TEX15: variants seen among roughly 807,000 people sequenced by gnomAD.
TEX15 encodes testis expressed 15, meiosis and synapsis associated, also known as testis-expressed protein 15.
In TEX15, 171 loss-of-function variants were observed where a neutral mutation model predicts 237.3. The ratio of observed to expected loss-of-function variants is 0.72; its 90% CI spans 0.64 to 0.82. The LOEUF is 0.82. TEX15 is among the 40% of genes least tolerant of loss of function. The pLI is 0.00. For synonymous variants in TEX15, 1,338 were observed against 1,269.8 expected, an observed-to-expected ratio of 1.05 and a Z score of -1.14; for missense variants, 3,750 against 3,646.5, an observed-to-expected ratio of 1.03 and a Z score of -0.73.
intron 5 of TEX15, among the ~76,000 whole-genome samples, chr8:30,861,991 A>G (rs767576930): frequency 5.3e-5 from 8 of 152,146 alleles, no homozygotes; most frequent in Non-Finnish European, 1.2e-4. Flanking sequence ...AGTTTTTTTT[A>G]AAGTTCAGTA....
chr8:30,878,936 A>T (rs745412287), intron 3 of TEX15, among the ~76,000 whole-genome samples: 12 of 152,202 alleles, frequency 7.9e-5, no homozygotes, highest in Non-Finnish European at 1.6e-4. Flanking sequence ...CCTCACTGGC[A>T]TTTGGTACTG....
At chr8:30,852,547 C>T (rs1807812252) in intron 7 of TEX15, among the ~76,000 whole-genome samples, 1 of 151,998 alleles carries the variant, frequency 6.6e-6, no homozygotes, top group South Asian at 2.1e-4. Flanking sequence ...TTACTTTATT[C>T]CCTTTTTGTT....
Position 30,843,317 on chromosome 8 carries a change from TTC to T in TEX15, c.6848_6849del (p.Arg2283AsnfsTer22), listed in dbSNP as rs550195743. ...DAAKNLVWKE[R>X]TQSFSKKYSQ... ...GAGTATTTTTTGCTGAAGGATTGTG[TTC>T]TCTCTTTCCAAACAAGATTTTTTGC... On this transcript the variant is annotated frameshift_variant, in exon 8 of 11. Coordinates refer to ENST00000643185, the MANE Select transcript of TEX15 (RefSeq NM_001350162.2). LOFTEE classifies it high-confidence loss of function. 2,227 of 1,612,096 alleles carry T rather than the reference TTC, an allele frequency of 1.4e-3. 1 individual carries two copies. The highest frequency in any genetic ancestry group is 1.8e-3 in the Non-Finnish European group (2,102 of 1,179,364).
chr8:30,887,221 C>T lies in TEX15; in HGVS notation c.82G>A (p.Val28Ile), dbSNP rs1258186820. ...TSKPVLNTRE[V>I]NPLKKFTIPK... ...ATGGTGAATTTCTTCAAAGGATTGACTTCACGAGTATTCAACACGGGTTTG... is the reference window on the plus strand; with the variant it reads ...ATGGTGAATTTCTTCAAAGGATTGATTTCACGAGTATTCAACACGGGTTTG... Residue 28 changes from valine (V) to isoleucine (I), a missense_variant, in exon 3 of 11, where the codon GTC becomes ATC. Val to Ile is a conservative substitution (Grantham distance 29). Coordinates refer to ENST00000643185, the MANE Select transcript of TEX15 (RefSeq NM_001350162.2). 6.5e-7 allele frequency: 1 copy of T among 1,535,946 alleles called. No individual in the cohort carries two copies. The highest frequency in any genetic ancestry group is 1.4e-5 in the African/African-American group (1 of 73,156).
In TEX15 at chr8:30,908,203, C is replaced by T. The variant is rs1432438494; in HGVS notation, c.-86+4676G>A. On this transcript the variant is annotated intron_variant, in intron 1 of 10. Transcript: ENST00000643185. ...CCTTCTAAGGTGCTGGAATTGCAGGCATGAGCCACTGTGCCTGACCCTATT... is the reference window on the plus strand; with the variant it reads ...CCTTCTAAGGTGCTGGAATTGCAGGTATGAGCCACTGTGCCTGACCCTATT... Among the ~76,000 whole-genome samples, 3 of 152,134 alleles carry T rather than the reference C, an allele frequency of 2.0e-5. No individual in the cohort carries two copies. The East Asian group carries it at 5.8e-4, about 29-fold the overall frequency.
intron 1 of TEX15, among the ~76,000 whole-genome samples, chr8:30,910,833 T>G (rs1389492880): frequency 1.3e-5 from 2 of 152,110 alleles, no homozygotes; most frequent in African/African-American, 4.8e-5. Context: ...TATGATTAGG[T>G]AGGGTTCAGA....
chr8:30,873,934 T>C (rs1808348849), intron 4 of TEX15, among the ~76,000 whole-genome samples: 1 of 152,144 alleles, frequency 6.6e-6, no homozygotes, highest in Admixed American at 6.6e-5. Flanking sequence ...TTCTAACTTT[T>C]CTATAACACT....
intron 3 of TEX15, among the ~76,000 whole-genome samples, chr8:30,880,448 A>G (rs186195954): frequency 6.6e-6 from 1 of 152,316 alleles, no homozygotes; most frequent in East Asian, 1.9e-4. Flanking sequence ...GACAACTTAT[A>G]CTTGGATTTT....
At chr8:30,836,133 T>C (rs1807286517) in intron 10 of TEX15, among the ~76,000 whole-genome samples, 4 of 151,140 alleles carry the variant, frequency 2.6e-5, no homozygotes, top group Admixed American at 2.6e-4. Context: ...GTAGGTAAGT[T>C]TACATGATAT....
chr8:30,887,884 TATTTC>T (rs1808691881), intron 2 of TEX15: 1 of 120,370 alleles, frequency 8.3e-6, no homozygotes, highest in Non-Finnish European at 1.7e-5. Flanking sequence ...TTCACATATA[TATTTC>T]ATATATATAT....
chr8:30,867,976 T>C (rs769335791), intron 4 of TEX15, among the ~76,000 whole-genome samples: 2 of 152,102 alleles, frequency 1.3e-5, no homozygotes, highest in Non-Finnish European at 2.9e-5. Flanking sequence ...TTTTGTTAAT[T>C]GTGTTATGGA....
At chr8:30,883,119 T>G (rs924611174) in intron 3 of TEX15, among the ~76,000 whole-genome samples, 2 of 151,116 alleles carry the variant, frequency 1.3e-5, no homozygotes, top group African/African-American at 4.9e-5. Context: ...TTTCTCTATC[T>G]TTTTTTTTAG....
chr8:30,843,912 G>C lies in TEX15; in HGVS notation c.6255C>G (p.Phe2085Leu). 6.2e-7 allele frequency: 1 copy of C among 1,612,574 alleles called. No individual in the cohort carries two copies. Among genetic ancestry groups the C allele is most frequent in the Non-Finnish European group, 8.5e-7 (1 of 1,179,534 alleles). ...CTAAGTGCCTTTTTTTGTTTTCAAT[G>C]AATTGAATTGTTTCCATCATCATTT... ...ELQMMMETIQ[F>L]IENKKRHLEG... is the part of the protein sequence containing the mutation. The change falls in exon 8 of 11, where the codon TTC becomes TTG. Residue 2085 changes from phenylalanine to leucine, a missense_variant. Coordinates refer to ENST00000643185, the MANE Select transcript of TEX15 (RefSeq NM_001350162.2).
At chr8:30,874,857 T>C (rs1429597017) in intron 4 of TEX15, 80 bp downstream of exon 4, 4 of 822,416 alleles carry the variant, frequency 4.9e-6, no homozygotes, top group Non-Finnish European at 6.5e-6. Flanking sequence ...AAATCTCATA[T>C]GGTAGAAATG....
chr8:30,837,303 TACTCTGCTCCTTG>T lies in TEX15; in HGVS notation c.8968_8980del (p.Gln2990ThrfsTer15). On this transcript the variant is annotated frameshift_variant, in exon 10 of 11. Coordinates refer to ENST00000643185, the MANE Select transcript of TEX15 (RefSeq NM_001350162.2). LOFTEE classifies it high-confidence loss of function. ...GTCATTCTGTTGTTCAGAAAGAGAG[TACTCTGCTCCTTG>T]ATTCACATTAAGGGTTATATGCCCA... 1.2e-6 allele frequency: 2 copies of T among 1,614,170 alleles called. No individual in the cohort carries two copies. Among genetic ancestry groups the T allele is most frequent in the African/African-American group, 1.3e-5 (1 of 75,054 alleles).
intron 2 of TEX15, among the ~76,000 whole-genome samples, chr8:30,895,676 C>CT (rs34002027): frequency 0.026 from 1,580 of 60,000 alleles, 13 homozygotes; most frequent in East Asian, 0.037. Flanking sequence ...TAAACACATG[C>CT]TTTTTTTTTT....
At chr8:30,865,736 A>G (rs114268861) in intron 5 of TEX15, among the ~76,000 whole-genome samples, 1,634 of 152,242 alleles carry the variant, frequency 0.011, 35 homozygotes, top group African/African-American at 0.037. Flanking sequence ...AAAAAGCAAT[A>G]AAACCAAACA....
intron 2 of TEX15, among the ~76,000 whole-genome samples, chr8:30,888,910 A>G (rs191398821): frequency 9.0e-4 from 137 of 152,330 alleles, no homozygotes; most frequent in African/African-American, 3.0e-3. Context: ...AGCCACAATG[A>G]CAGACAATAG....
In TEX15 at chr8:30,837,704, CA is replaced by C; in HGVS notation, c.8579del (p.Leu2860CysfsTer20). 5 of 1,613,890 alleles carry C rather than the reference CA, an allele frequency of 3.1e-6. No individual in the cohort carries two copies. The highest frequency in any genetic ancestry group is 4.2e-6 in the Non-Finnish European group (5 of 1,179,904). On this transcript the variant is annotated frameshift_variant, in exon 10 of 11. Coordinates refer to ENST00000643185, the MANE Select transcript of TEX15 (RefSeq NM_001350162.2). LOFTEE classifies it high-confidence loss of function. ...GTFSPDHGTL[L>X]QKFLKNSPDP... ...CTGGGGAATTTTTAAGAAATTTCTG[CA>C]AAAGCGTCCCATGGTCTGGTGAAAA...
Sources: gnomAD v4.1 joint callset for allele counts (sites outside exome capture counted in the v4.1 genomes callset) on GRCh38, gnomAD v4.1.1 for gene constraint, MANE v1.5 for transcripts, NCBI Gene and HGNC (gene_info 2026-07-23, HGNC 2026-07-21) for gene names.